FNTB: variants seen among roughly 807,000 people sequenced by gnomAD.
The protein encoded by FNTB is farnesyltransferase, CAAX box, subunit beta, also known as protein farnesyltransferase subunit beta.
Under a neutral mutation model 59.4 loss-of-function variants are expected in FNTB, and 27 were observed. The ratio of observed to expected loss-of-function variants is 0.45; its 90% CI spans 0.34 to 0.63. FNTB has a LOEUF of 0.63. FNTB is among the 20% of genes least tolerant of loss of function. FNTB has a pLI of 0.02. For missense variants in FNTB, 449 were observed against 559.6 expected (o/e 0.80, Z 1.99); for synonymous variants, 230 against 220.7 (o/e 1.04, Z -0.37).
At position 65,032,631 on chromosome 14, in the gene FNTB, C is replaced by T. The variant is rs148288483; in HGVS notation, c.627C>T (p.Ser209=). Residue 209 remains serine (S), a synonymous_variant, in exon 7 of 12, where the codon TCC becomes TCT. Transcript: ENST00000246166. This position sits in a 1 kb window ranked among gnomAD's most constrained non-coding sequence, Gnocchi z 5.0. ...VDVRSAYCAA[S]VASLTNIITP... is the part of the protein sequence containing the mutation. ...CCAGAAGCGCATACTGTGCTGCCTCCGTAGCCTCGCTGACCAACATCATCA... is the reference window on the plus strand; with the variant it reads ...CCAGAAGCGCATACTGTGCTGCCTCTGTAGCCTCGCTGACCAACATCATCA... 29 of 1,613,840 alleles carry T rather than the reference C, an allele frequency of 1.8e-5. No homozygotes were observed. Among genetic ancestry groups the T allele is most frequent in the East Asian group, 8.9e-5 (4 of 44,890 alleles).
intron 7 of FNTB, among the ~76,000 whole-genome samples, chr14:65,034,014 A>T (rs1456865487): frequency 6.6e-6 from 1 of 152,200 alleles, no homozygotes; most frequent in Non-Finnish European, 1.5e-5. Context: ...ATATGCTGAG[A>T]TCATGTTTAC....
chr14:65,024,103 T>TTA (rs2061937057), intron 4 of FNTB, among the ~76,000 whole-genome samples: 1 of 129,722 alleles, frequency 7.7e-6, no homozygotes, highest in African/African-American at 2.9e-5. Context: ...CTCCATCTCC[T>TTA]AAAAAAAAAA....
chr14:65,012,260 G>A lies in FNTB; in HGVS notation c.210-57G>A. 2 of 1,601,154 alleles carry A rather than the reference G, an allele frequency of 1.2e-6. No individual in the cohort carries two copies. Among genetic ancestry groups the A allele is most frequent in the Non-Finnish European group, 1.7e-6 (2 of 1,168,676 alleles). On this transcript the variant is annotated intron_variant, in intron 2 of 11. Transcript: ENST00000246166. This position sits in a 1 kb window ranked among gnomAD's most constrained non-coding sequence, Gnocchi z 5.0. ...CGTGTGTGTGTACGTGCACATACGT[G>A]TGTATGGTGGAAGCATAAGCTATTA... is the stretch of plus-strand genomic sequence containing the variant.
intron 7 of FNTB, among the ~76,000 whole-genome samples, chr14:65,037,656 C>G (rs1391487904): frequency 6.7e-6 from 1 of 149,824 alleles, no homozygotes; most frequent in Non-Finnish European, 1.5e-5. Flanking sequence ...AACTCCTGGG[C>G]TGACGTAATC....
At position 64,990,361 on chromosome 14, in the gene FNTB, T is replaced by C. The variant is rs1594979353; in HGVS notation, c.144+3264T>C. On this transcript the variant is annotated intron_variant, in intron 1 of 11. Coordinates refer to ENST00000246166, the MANE Select transcript of FNTB (RefSeq NM_002028.4). This position sits in a 1 kb window ranked among gnomAD's most constrained non-coding sequence, Gnocchi z 5.2. Reference sequence around the variant, plus strand: ...GGGCCATGGGAAGTATTGCTGGGGGTGACCGAGAAGGAGAAGAATGAGACC... The same window carrying C: ...GGGCCATGGGAAGTATTGCTGGGGGCGACCGAGAAGGAGAAGAATGAGACC... 6.6e-6 allele frequency among the ~76,000 whole-genome samples: 1 copy of C among 151,966 alleles called. No homozygotes were observed. Among genetic ancestry groups the C allele is most frequent in the Non-Finnish European group, 1.5e-5 (1 of 67,998 alleles).
At position 65,037,676 on chromosome 14, in the gene FNTB, C is replaced by T. The variant is rs59352265; in HGVS notation, c.693-3114C>T. Among the ~76,000 whole-genome samples, 1,607 of 149,608 alleles carry T rather than the reference C, an allele frequency of 0.011. 38 individuals are homozygous for T. The East Asian group carries it at 0.11, about 10-fold the overall frequency. Reference sequence around the variant, plus strand: ...CTGGGCTGACGTAATCCTCCTGCTGCGGCTTCCCCAAGTGCTGGGATTACA... The same window carrying T: ...CTGGGCTGACGTAATCCTCCTGCTGTGGCTTCCCCAAGTGCTGGGATTACA... On this transcript the variant is annotated intron_variant, in intron 7 of 11. Coordinates refer to ENST00000246166, the MANE Select transcript of FNTB (RefSeq NM_002028.4).
intron 11 of FNTB, among the ~76,000 whole-genome samples, chr14:65,058,865 T>G (rs1474133113): frequency 6.6e-6 from 1 of 152,232 alleles, no homozygotes; most frequent in African/African-American, 2.4e-5. Context: ...TTTGCCAGTA[T>G]GTTTGCCTAG....
chr14:64,993,396 C>T (rs901630174), intron 1 of FNTB, among the ~76,000 whole-genome samples: 3 of 152,308 alleles, frequency 2.0e-5, no homozygotes, highest in African/African-American at 4.8e-5. Context: ...CACTGATTAC[C>T]ATTAGCCAAA....
At chr14:65,043,202 G>A (rs2062389965) in intron 8 of FNTB, among the ~76,000 whole-genome samples, 1 of 152,192 alleles carries the variant, frequency 6.6e-6, no homozygotes, top group South Asian at 2.1e-4. Flanking sequence ...TGTCATATCT[G>A]CTCAGCCAGT....
rs2062081049 is a variant in FNTB at position 65,031,456 on chromosome 14, T to A, written c.606-1154T>A. ...CCTCAGCCTCCCAAGTAGTTGGGAC[T>A]ACGGGCACACGCCACCATGCCCAGC... On this transcript the variant is annotated intron_variant, in intron 6 of 11. Coordinates refer to ENST00000246166, the MANE Select transcript of FNTB (RefSeq NM_002028.4). The surrounding 1 kb of genome is among the most constrained non-coding windows in gnomAD (Gnocchi z 4.6). Among the ~76,000 whole-genome samples the A allele has an allele frequency of 6.6e-6, 1 of 151,802 alleles. No individual in the cohort carries two copies. The highest frequency in any genetic ancestry group is 2.4e-5 in the African/African-American group (1 of 41,380).
At position 64,999,743 on chromosome 14, in the gene FNTB, T is replaced by A. The variant is rs529673265; in HGVS notation, c.145-4506T>A. Among the ~76,000 whole-genome samples, 20 of 152,286 alleles carry A rather than the reference T, an allele frequency of 1.3e-4. No homozygotes were observed. In the South Asian group the frequency reaches 4.1e-3, roughly 32 times the overall value. On this transcript the variant is annotated intron_variant, in intron 1 of 11. Transcript: ENST00000246166. ...AATATACTAGTTCTTAAAAGAAAAT[T>A]ATTCATTGTTATGAACAGCTGACCT... is the stretch of plus-strand genomic sequence containing the variant.
rs2062046771 is a variant in FNTB at position 65,029,874 on chromosome 14, C to G, written c.605+2093C>G. On this transcript the variant is annotated intron_variant, in intron 6 of 11. Transcript: ENST00000246166. The surrounding 1 kb of genome is among the most constrained non-coding windows in gnomAD (Gnocchi z 4.7). ...ATGGACTGTAGTGTTCCAATAAAAG[C>G]CCTCTGGTTTCAGGGCTGGAGGGAG... Among the ~76,000 whole-genome samples, 1 of 152,092 alleles carries G rather than the reference C, an allele frequency of 6.6e-6. No homozygotes were observed. The highest frequency in any genetic ancestry group is 1.5e-5 in the Non-Finnish European group (1 of 68,010).
At chr14:64,988,268 C>T (rs1888032193) in intron 1 of FNTB, among the ~76,000 whole-genome samples, 1 of 152,088 alleles carries the variant, frequency 6.6e-6, no homozygotes, top group Non-Finnish European at 1.5e-5. Flanking sequence ...GCTAATTCTC[C>T]AGGTTGGTTT....
intron 3 of FNTB, among the ~76,000 whole-genome samples, chr14:65,013,316 CTT>C (rs1376916648): frequency 8.4e-6 from 1 of 118,374 alleles, no homozygotes; most frequent in East Asian, 2.5e-4. Flanking sequence ...GCCAAATCAT[CTT>C]TGTTTCCTTT....
At position 65,031,874 on chromosome 14, in the gene FNTB, T is replaced by TCATAC. The variant is rs2062091764; in HGVS notation, c.606-733_606-729dup. On this transcript the variant is annotated intron_variant, in intron 6 of 11. Transcript: ENST00000246166. This position sits in a 1 kb window ranked among gnomAD's most constrained non-coding sequence, Gnocchi z 4.6. The stretch of plus-strand genomic sequence containing the variant: ...AGGCGGAGGTTGCAGTGAGCTGAGA[T>TCATAC]CATACCACTGCACTCTAGCCTGGGC... 6.6e-6 allele frequency among the ~76,000 whole-genome samples: 1 copy of TCATAC among 152,110 alleles called. No homozygotes were observed. The highest frequency in any genetic ancestry group is 2.4e-5 in the African/African-American group (1 of 41,526).
intron 7 of FNTB, among the ~76,000 whole-genome samples, chr14:65,035,888 G>T (rs1015592435): frequency 5.9e-5 from 9 of 151,724 alleles, no homozygotes; most frequent in Non-Finnish European, 8.8e-5. Context: ...CTGGATTGCA[G>T]TGATATGATC....
At chr14:65,010,707 A>G (rs2061668903) in intron 2 of FNTB, among the ~76,000 whole-genome samples, 1 of 152,166 alleles carries the variant, frequency 6.6e-6, no homozygotes, top group African/African-American at 2.4e-5. Context: ...TAGTAAATTG[A>G]GTAGAAATGC....
intron 4 of FNTB, among the ~76,000 whole-genome samples, chr14:65,018,499 G>A (rs2061822256): frequency 6.6e-6 from 1 of 152,116 alleles, no homozygotes; most frequent in Admixed American, 6.5e-5. Context: ...CTGGACGATG[G>A]GGTTAAAAGT....
chr14:64,989,644 A>G (rs1229021155), intron 1 of FNTB, among the ~76,000 whole-genome samples: 1 of 152,206 alleles, frequency 6.6e-6, no homozygotes, highest in Admixed American at 6.5e-5. Flanking sequence ...AAACCTATAA[A>G]TAGTGGAAGG....
Sources: allele counts gnomAD v4.1 joint callset (sites outside exome capture counted in the v4.1 genomes callset), GRCh38; gene constraint gnomAD v4.1.1; non-coding constraint Gnocchi (gnomAD v3.1); transcripts MANE v1.5; gene names NCBI Gene and HGNC (gene_info 2026-07-23, HGNC 2026-07-21).